The following PDS5B variants were observed in gnomAD, a reference collection of about 807,000 sequenced individuals.
The protein encoded by PDS5B is sister chromatid cohesion protein PDS5 homolog B.
PDS5B carries 51 observed loss-of-function variants against 184.1 expected under a neutral mutation model. The ratio of observed to expected loss-of-function variants is 0.28; its 90% CI spans 0.22 to 0.35. The LOEUF is 0.35. Among genes scored for constraint, PDS5B ranks in the 10% least tolerant of loss-of-function variants. The pLI, the probability that PDS5B is intolerant of heterozygous loss-of-function variation, is 1.00. For missense variants in PDS5B, 1,180 were observed against 1,723.3 expected (o/e 0.68, Z 5.58); for synonymous variants, 566 against 569.2 (o/e 0.99, Z 0.08).
chr13:32,684,851 C>T (rs920362070), intron 11 of PDS5B, among the ~76,000 whole-genome samples: 43 of 152,306 alleles, frequency 2.8e-4, no homozygotes, highest in African/African-American at 9.4e-4. Flanking sequence ...CAGTAGCTCA[C>T]ATCTGTAATC....
intron 17 of PDS5B, among the ~76,000 whole-genome samples, chr13:32,702,640 G>A (rs1195657259): frequency 6.6e-6 from 1 of 152,096 alleles, no homozygotes; most frequent in Non-Finnish European, 1.5e-5. Context: ...TTATAGAAGT[G>A]CCATTCTTGC....
chr13:32,667,679 T>A lies in PDS5B; in HGVS notation c.625-85T>A. The A allele has an allele frequency of 3.9e-6, 3 of 759,866 alleles. No homozygotes were observed. In the South Asian group the frequency reaches 5.7e-5, roughly 14 times the overall value. The allele number at this position is 759,866 out of a possible 1,614,324, so 47.1% of individuals were successfully genotyped here. ...TTGAGTCTTAGTTTTTTCATTCATT[T>A]ACTCAAGTAGCATTTTGAATACAGG... On this transcript the variant is annotated intron_variant, in intron 6 of 34. Transcript: ENST00000315596.
At position 32,618,786 on chromosome 13, in the gene PDS5B, G is replaced by A. The variant is rs571650570; in HGVS notation, c.-19-29968G>A. Among the ~76,000 whole-genome samples, 6 of 152,242 alleles carry A rather than the reference G, an allele frequency of 3.9e-5. No individual in the cohort carries two copies. In the South Asian group the frequency reaches 1.0e-3, roughly 26 times the overall value. ...AATTAAAATAGTTTCCTGCTTTAAA[G>A]CTTTGTCTTTCATCTCAGTCCACTG... On this transcript the variant is annotated intron_variant, in intron 1 of 34. Transcript: ENST00000315596.
chr13:32,624,010 C>T (rs998275919), intron 1 of PDS5B, among the ~76,000 whole-genome samples: 2 of 151,916 alleles, frequency 1.3e-5, no homozygotes, highest in African/African-American at 4.8e-5. Context: ...TGGGGTTTCA[C>T]CATGTTGGCC....
chr13:32,728,164 T>A (rs984919006), intron 19 of PDS5B, among the ~76,000 whole-genome samples: 3 of 151,856 alleles, frequency 2.0e-5, no homozygotes, highest in Non-Finnish European at 2.9e-5. Flanking sequence ...TATCTTTTTT[T>A]ATATTTTATA....
At chr13:32,654,490 T>G (rs1950447680) in intron 3 of PDS5B, among the ~76,000 whole-genome samples, 1 of 152,228 alleles carries the variant, frequency 6.6e-6, no homozygotes, top group African/African-American at 2.4e-5. Flanking sequence ...TTTTCCACAG[T>G]ACTACTATCA....
In PDS5B at chr13:32,755,931, A is replaced by G; in HGVS notation, c.3031A>G (p.Ile1011Val). Residue 1011 changes from isoleucine to valine, a missense_variant, in exon 26 of 35, where the codon ATT becomes GTT. Ile to Val is a conservative substitution (Grantham distance 29). Transcript: ENST00000315596. ...CCCAGATTATGTCAAAGTACAGGATATTGAACAACTTAAAGATGTTAAAGA... is the reference window on the plus strand; with the variant it reads ...CCCAGATTATGTCAAAGTACAGGATGTTGAACAACTTAAAGATGTTAAAGA... ...HDPDYVKVQD[I>V]EQLKDVKECL... 1 of 1,564,850 alleles carries G rather than the reference A, an allele frequency of 6.4e-7. No individual in the cohort carries two copies. Among genetic ancestry groups the G allele is most frequent in the Non-Finnish European group, 8.8e-7 (1 of 1,142,444 alleles).
intron 6 of PDS5B, among the ~76,000 whole-genome samples, chr13:32,664,564 A>G (rs1436168010): frequency 6.6e-6 from 1 of 152,194 alleles, no homozygotes; most frequent in African/African-American, 2.4e-5. Flanking sequence ...CAATAATTCA[A>G]TCAAAAATAG....
At chr13:32,715,858 G>A (rs1593494151) in intron 19 of PDS5B, among the ~76,000 whole-genome samples, 1 of 152,374 alleles carries the variant, frequency 6.6e-6, no homozygotes, top group South Asian at 2.1e-4. Context: ...ACGGGGTTTT[G>A]CTGTGTTGGC....
chr13:32,762,550 G>A (rs531545952), intron 30 of PDS5B, among the ~76,000 whole-genome samples: 1 of 152,142 alleles, frequency 6.6e-6, no homozygotes, highest in South Asian at 2.1e-4. Context: ...TATTTAACAT[G>A]ACCAGAAACA....
chr13:32,770,461 C>T lies in PDS5B; in HGVS notation c.3965C>T (p.Pro1322Leu), dbSNP rs369239313. The change falls in exon 32 of 35, where the codon CCA (proline) becomes CTA (leucine). Residue 1322 changes from proline to leucine, a missense_variant. Pro to Leu is a moderately conservative substitution (Grantham distance 98). Around this residue, in one of 11 missense-constraint regions of PDS5B, gnomAD observed 465 missense variants for 497.8 expected, o/e 0.93. Transcript: ENST00000315596. Reference protein sequence around the residue: ...KKGSKKKSGPPAPEEEEEEER... With the variant: ...KKGSKKKSGPLAPEEEEEEER... ...GGAAGCAAAAAAAAATCTGGACCTC[C>T]AGCACCAGAGGAGGAGGAAGAAGAA... 53 of 1,612,812 alleles carry T rather than the reference C, an allele frequency of 3.3e-5. No individual in the cohort carries two copies. The highest frequency in any genetic ancestry group is 4.2e-5 in the Non-Finnish European group (49 of 1,179,746).
At position 32,774,871 on chromosome 13, in the gene PDS5B, C is replaced by T. The variant is rs1954905318; in HGVS notation, c.4309-146C>T. On this transcript the variant is annotated intron_variant, in intron 34 of 34. Transcript: ENST00000315596. ...GAGGTCTAAATATGTGATGCCAGGG[C>T]AGAAAGTAAGGATAAAAAGTTTCAG... The T allele has an allele frequency of 5.2e-5, 39 of 756,884 alleles. 1 individual carries two copies. The South Asian group carries it at 6.3e-4, about 12-fold the overall frequency. The allele number at this position is 756,884 out of a possible 1,614,324, so 46.9% of individuals were successfully genotyped here.
intron 9 of PDS5B, among the ~76,000 whole-genome samples, chr13:32,678,474 T>A (rs1951132227): frequency 6.6e-6 from 1 of 152,202 alleles, no homozygotes. Flanking sequence ...AAACATAGTT[T>A]GAGATTTATG....
In PDS5B at chr13:32,699,831, A is replaced by C; in HGVS notation, c.1702A>C (p.Ser568Arg). The change falls in exon 16 of 35, where the codon AGT becomes CGT. Residue 568 changes from serine (S) to arginine (R), a missense_variant. Coordinates refer to ENST00000315596, the MANE Select transcript of PDS5B (RefSeq NM_015032.4). ...KIRKQLEVLV[S>R]PTCSCKQAEG... ...AAGAAAGCAGTTAGAAGTACTTGTT[A>C]GTCCAACATGCTCCTGCAAGCAGGC... 1 of 1,576,674 alleles carries C rather than the reference A, an allele frequency of 6.3e-7. No homozygotes were observed. Among genetic ancestry groups the C allele is most frequent in the Non-Finnish European group, 8.6e-7 (1 of 1,165,376 alleles).
At chr13:32,733,624 A>G (rs1302211190) in intron 20 of PDS5B, among the ~76,000 whole-genome samples, 3 of 152,194 alleles carry the variant, frequency 2.0e-5, no homozygotes, top group East Asian at 1.9e-4. Context: ...TTTCAAGCCT[A>G]CAATTCTTGG....
chr13:32,655,450 C>T (rs142528896), intron 3 of PDS5B, among the ~76,000 whole-genome samples: 291 of 142,918 alleles, frequency 2.0e-3, no homozygotes, highest in African/African-American at 7.5e-3. Flanking sequence ...GCGATCTTGG[C>T]TCACTGCAAC....
chr13:32,631,671 G>GT (rs1212174143), intron 1 of PDS5B, among the ~76,000 whole-genome samples: 4 of 152,200 alleles, frequency 2.6e-5, no homozygotes, highest in African/African-American at 7.2e-5. Context: ...AAAGTTGACA[G>GT]TTTTTTGTGA....
intron 19 of PDS5B, among the ~76,000 whole-genome samples, chr13:32,727,750 C>A (rs1952961109): frequency 6.6e-6 from 1 of 151,856 alleles, no homozygotes; most frequent in African/African-American, 2.4e-5. Flanking sequence ...TAATAATATG[C>A]CTTGAAATGG....
intron 1 of PDS5B, among the ~76,000 whole-genome samples, chr13:32,586,808 C>T (rs1294443443): frequency 2.8e-5 from 4 of 144,906 alleles, no homozygotes; most frequent in African/African-American, 9.9e-5. Flanking sequence ...GGGGCGCGGG[C>T]CGGCTGCGCG....
Sources: gnomAD v4.1 joint callset for allele counts (sites outside exome capture counted in the v4.1 genomes callset) on GRCh38, gnomAD v4.1.1 for gene constraint, gnomAD v4.1.1 regional missense constraint, MANE v1.5 for transcripts, NCBI Gene and HGNC (gene_info 2026-07-23, HGNC 2026-07-21) for gene names.